Variants in GLT1D1 observed in about 807,000 individuals in gnomAD.
GLT1D1 encodes glycosyltransferase 1 domain containing 1.
GLT1D1 carries 21 observed loss-of-function variants against 28.7 expected under a neutral mutation model. That is an observed-to-expected ratio of 0.73 (90% CI 0.52 to 1.05). GLT1D1 has a LOEUF of 1.05. GLT1D1 is among the 50% of genes least tolerant of loss of function. The pLI is 0.00. For missense variants in GLT1D1, 343 were observed against 330.6 expected, an observed-to-expected ratio of 1.04 and a Z score of -0.29; for synonymous variants, 147 against 124.8, an observed-to-expected ratio of 1.18 and a Z score of -1.19.
intron 1 of GLT1D1, among the ~76,000 whole-genome samples, chr12:128,858,324 A>G (rs1419446751): frequency 6.6e-6 from 1 of 152,292 alleles, no homozygotes; most frequent in East Asian, 1.9e-4. Flanking sequence ...CTTCTGTGCC[A>G]TATCTTGAAA....
chr12:128,963,602 C>G (rs759174782), intron 7 of GLT1D1, among the ~76,000 whole-genome samples: 2 of 152,124 alleles, frequency 1.3e-5, no homozygotes, highest in South Asian at 4.1e-4. Flanking sequence ...GCTGAGATTA[C>G]GCCATTGCAC....
intron 7 of GLT1D1, among the ~76,000 whole-genome samples, chr12:128,981,271 GAA>G (rs1027173751): frequency 6.6e-6 from 1 of 152,124 alleles, no homozygotes; most frequent in African/African-American, 2.4e-5. Flanking sequence ...TCTGTTCCTA[GAA>G]ACTCTTTTAT....
At chr12:128,926,635 T>C (rs543487912) in intron 4 of GLT1D1, among the ~76,000 whole-genome samples, 181 bp downstream of exon 7, 1 of 152,314 alleles carries the variant, frequency 6.6e-6, no homozygotes, top group East Asian at 1.9e-4. Context: ...AGCAGCTCTT[T>C]GGAGGAATTT....
At chr12:128,864,237 G>A (rs75617033) in intron 1 of GLT1D1, 28,523 of 568,730 alleles carry the variant, frequency 0.05, 1,066 homozygotes, top group South Asian at 0.14. Flanking sequence ...GAGGCTTCCG[G>A]GCTGAAGATG....
intron 1 of GLT1D1, among the ~76,000 whole-genome samples, chr12:128,865,877 C>T (rs1956500456): frequency 6.6e-6 from 1 of 151,856 alleles, no homozygotes; most frequent in African/African-American, 2.4e-5. Context: ...CCCCCCAAAA[C>T]CCCAAACAAT....
At chr12:128,908,731 C>T (rs542639610) in intron 4 of GLT1D1, among the ~76,000 whole-genome samples, 290 of 151,996 alleles carry the variant, frequency 1.9e-3, no homozygotes, top group African/African-American at 6.0e-3. Flanking sequence ...GGGCGGATCA[C>T]GAGGTCAGGA....
chr12:128,863,933 A>G (rs2135766720), intron 1 of GLT1D1, among the ~76,000 whole-genome samples: 1 of 145,776 alleles, frequency 6.9e-6, no homozygotes, highest in Non-Finnish European at 1.5e-5. Flanking sequence ...GCGACAGAGC[A>G]AGACTCCATC....
chr12:128,920,296 C>T (rs1293225112), intron 4 of GLT1D1, among the ~76,000 whole-genome samples: 2 of 152,106 alleles, frequency 1.3e-5, no homozygotes, highest in Non-Finnish European at 2.9e-5. Flanking sequence ...CCTGTAATCC[C>T]AGCACTTCGG....
At chr12:128,941,659 G>A (rs143131448) in intron 4 of GLT1D1, among the ~76,000 whole-genome samples, 2 of 134,274 alleles carry the variant, frequency 1.5e-5, no homozygotes, top group African/African-American at 2.8e-5. Context: ...TGCAACCTCC[G>A]CACCCCGGGT....
At chr12:128,874,076 CTTTCTTTCTTTCTTTCTTTCTT>C in intron 1 of GLT1D1, among the ~76,000 whole-genome samples, 1 of 8,938 alleles carries the variant, frequency 1.1e-4, no homozygotes, top group Non-Finnish European at 1.9e-4. Flanking sequence ...TTCTTTCTTT[CTTTCTTTCTTTCTTTCTTTCTT>C]TCTCTCTCTC....
At chr12:128,916,274 T>A (rs1872104128) in intron 4 of GLT1D1, among the ~76,000 whole-genome samples, 1 of 152,266 alleles carries the variant, frequency 6.6e-6, no homozygotes, top group African/African-American at 2.4e-5. Flanking sequence ...CTTCTATTGA[T>A]GAACTTTTAG....
At chr12:128,890,404 G>A (rs140124822) in intron 3 of GLT1D1, among the ~76,000 whole-genome samples, 267 of 152,254 alleles carry the variant, frequency 1.8e-3, no homozygotes, top group Non-Finnish European at 3.1e-3. Context: ...TATTTGTATA[G>A]CAATTTAAAG....
Position 128,916,463 on chromosome 12 carries a change from C to G in GLT1D1, c.375+17176C>G, listed in dbSNP as rs1308706378. 7.2e-5 allele frequency among the ~76,000 whole-genome samples: 11 copies of G among 152,218 alleles called. 1 individual carries two copies. Among genetic ancestry groups the G allele is most frequent in the African/African-American group, 1.2e-4 (5 of 41,456 alleles). On this transcript the variant is annotated intron_variant, in intron 4 of 7. Coordinates refer to ENST00000281703, the MANE Select transcript of GLT1D1 (RefSeq NM_144669.3). ...GTTCTCCAAGGTGTGCCATCTTACA[C>G]TTCCACAGAAGCTGACAAGAGCTTC... is the stretch of plus-strand genomic sequence containing the variant.
chr12:128,890,241 C>T (rs753446129), intron 3 of GLT1D1, among the ~76,000 whole-genome samples: 8 of 152,154 alleles, frequency 5.3e-5, no homozygotes, highest in Non-Finnish European at 1.0e-4. Flanking sequence ...CTGTAAAACA[C>T]GCCTTCTCTG....
intron 4 of GLT1D1, among the ~76,000 whole-genome samples, chr12:128,902,932 T>C (rs470634): frequency 0.57 from 86,242 of 150,026 alleles, 25,371 homozygotes; most frequent in East Asian, 0.76. Flanking sequence ...TAGTCCCAGC[T>C]ACTCAGGAGG....
chr12:128,938,323 A>G (rs1874770879), intron 4 of GLT1D1, among the ~76,000 whole-genome samples: 2 of 152,154 alleles, frequency 1.3e-5, no homozygotes, highest in Non-Finnish European at 2.9e-5. Context: ...AACAGCAATA[A>G]ACAAAAAAAT....
intron 7 of GLT1D1, among the ~76,000 whole-genome samples, chr12:128,964,699 C>T (rs1343415545): frequency 1.3e-5 from 2 of 152,108 alleles, no homozygotes; most frequent in Non-Finnish European, 1.5e-5. Flanking sequence ...CAGAGCCAGA[C>T]CTGGAGACTC....
chr12:128,889,688 A>G (rs1470262850), intron 3 of GLT1D1, among the ~76,000 whole-genome samples: 1 of 152,244 alleles, frequency 6.6e-6, no homozygotes, highest in African/African-American at 2.4e-5. Context: ...ACTGTCCCCC[A>G]GCGGACTAGC....
At chr12:128,920,486 G>T (rs566257539) in intron 4 of GLT1D1, among the ~76,000 whole-genome samples, 1 of 152,120 alleles carries the variant, frequency 6.6e-6, no homozygotes, top group Non-Finnish European at 1.5e-5. Context: ...CCTGGGAGGC[G>T]GAGGTTGCAG....
Sources: allele counts gnomAD v4.1 joint callset (sites outside exome capture counted in the v4.1 genomes callset), GRCh38; gene constraint gnomAD v4.1.1; transcripts MANE v1.5; gene names NCBI Gene and HGNC (gene_info 2026-07-23, HGNC 2026-07-21).